Variants in RNF145 observed in about 807,000 individuals in gnomAD.
The protein encoded by RNF145 is ring finger protein 145.
In RNF145, 12 loss-of-function variants were observed where a neutral mutation model predicts 57.3. The observed-to-expected ratio is 0.21, with a 90% CI of 0.13 to 0.34. The LOEUF is 0.34. Among genes scored for constraint, RNF145 ranks in the 10% least tolerant of loss-of-function variants. The pLI is 1.00. For synonymous variants in RNF145, 262 were observed against 288.3 expected, an observed-to-expected ratio of 0.91 and a Z score of 0.92; for missense variants, 429 against 799.0, an observed-to-expected ratio of 0.54 and a Z score of 5.58.
chr5:159,198,211 C>T (rs1180923540), intron 2 of RNF145, among the ~76,000 whole-genome samples: 1 of 151,060 alleles, frequency 6.6e-6, no homozygotes, highest in Non-Finnish European at 1.5e-5. Context: ...CACTGCACTC[C>T]AATCTGGGCG....
chr5:159,163,153 A>T lies in RNF145; in HGVS notation c.1122-74T>A, dbSNP rs1404506934. Reference sequence around the variant, plus strand: ...ACAACCACTCACATCAGCAGCTAACATCTCTGGTGCCATGATCAAATTTCA... The same window carrying T: ...ACAACCACTCACATCAGCAGCTAACTTCTCTGGTGCCATGATCAAATTTCA... On this transcript the variant is annotated intron_variant, in intron 8 of 10. Coordinates refer to ENST00000424310, the MANE Select transcript of RNF145 (RefSeq NM_001199383.2). 9 of 1,338,704 alleles carry T rather than the reference A, an allele frequency of 6.7e-6. No individual in the cohort carries two copies. In the Admixed American group the frequency reaches 9.0e-5, roughly 13 times the overall value. The allele number at this position is 1,338,704 out of a possible 1,614,324, so 82.9% of individuals were successfully genotyped here.
In RNF145 at chr5:159,209,404, G is replaced by C; in HGVS notation, c.-213C>G. 1 of 982,102 alleles carries C rather than the reference G, an allele frequency of 1.0e-6. No individual in the cohort carries two copies. Among genetic ancestry groups the C allele is most frequent in the Non-Finnish European group, 1.2e-6 (1 of 827,248 alleles). 60.8% of individuals were successfully genotyped at this position (982,102 alleles called of 1,614,324 possible). A position where few individuals can be genotyped will look rare whatever the true frequency, so the allele number is the denominator to read the frequency against. ...AGCCTCGGATGTTGCTTCTGGGGAG[G>C]CGGAGGCAGCGGCAGCGGCAGCGGC... is the stretch of plus-strand genomic sequence containing the variant. On this transcript the variant is annotated 5_prime_UTR_variant, in exon 1 of 11. Transcript: ENST00000424310.
intron 5 of RNF145, among the ~76,000 whole-genome samples, chr5:159,175,664 T>C (rs1423739335): frequency 6.6e-6 from 1 of 152,140 alleles, no homozygotes; most frequent in Non-Finnish European, 1.5e-5. Context: ...TTCTGGAAGA[T>C]CTACTCCTGG....
rs1784912775 is a variant in RNF145, at chr5:159,182,046, T to C, written c.299A>G (p.Tyr100Cys). 1 of 1,589,618 alleles carries C rather than the reference T, an allele frequency of 6.3e-7. No individual in the cohort carries two copies. The highest frequency in any genetic ancestry group is 8.6e-7 in the Non-Finnish European group (1 of 1,158,302). ...LYAGHQISRD[Y>C]VRSELEFAYE... The stretch of plus-strand genomic sequence containing the variant: ...GGCAAACTCCAGTTCACTCCGAACA[T>C]AGTCCCTAAATAAGAAAATTGATTA... Residue 100 changes from tyrosine to cysteine, a missense_variant, in exon 4 of 11, where the codon TAT (tyrosine) becomes TGT (cysteine). This residue lies in a region of RNF145 where 109 missense variants were observed against 207.2 expected (regional missense o/e 0.53). Transcript: ENST00000424310.
Position 159,176,873 on chromosome 5 carries a change from A to G in RNF145, c.386-6T>C. 1 of 1,546,986 alleles carries G rather than the reference A, an allele frequency of 6.5e-7. No homozygotes were observed. The highest frequency in any genetic ancestry group is 8.9e-7 in the Non-Finnish European group (1 of 1,123,642). On this transcript the variant is annotated splice_region_variant and splice_polypyrimidine_tract_variant and intron_variant, in intron 4 of 10. Transcript: ENST00000424310. ...AGTACACACCACCAACTGACCTAAA[A>G]TAGGGAATAGAATACATTTAATTTT...
intron 1 of RNF145, chr5:159,207,942 T>C (rs926721800): frequency 4.4e-6 from 7 of 1,606,274 alleles, no homozygotes; most frequent in Non-Finnish European, 8.5e-7. Flanking sequence ...CAGCTCATTC[T>C]TTTGGGCATG....
At chr5:159,171,117 G>C (rs1023377821) in intron 6 of RNF145, among the ~76,000 whole-genome samples, 18 of 152,152 alleles carry the variant, frequency 1.2e-4, no homozygotes, top group Admixed American at 2.6e-4. Context: ...CTGGTTTTCT[G>C]TTAGGAGCCA....
At chr5:159,169,182 C>G (rs1461466750) in intron 7 of RNF145, 127 bp from the exon 8 acceptor site, 1 of 694,684 alleles carries the variant, frequency 1.4e-6, no homozygotes, top group Non-Finnish European at 2.3e-6. Context: ...TTAATCCAGA[C>G]TAAAAACCTG....
chr5:159,179,538 T>C (rs1784819318), intron 4 of RNF145, among the ~76,000 whole-genome samples: 2 of 152,128 alleles, frequency 1.3e-5, no homozygotes, highest in African/African-American at 4.8e-5. Context: ...TGCTCCTTAA[T>C]AGTTTATGGA....
At chr5:159,185,075 A>C (rs184121593) in intron 3 of RNF145, among the ~76,000 whole-genome samples, 1 of 152,290 alleles carries the variant, frequency 6.6e-6, no homozygotes, top group Non-Finnish European at 1.5e-5. Flanking sequence ...TTAAGTCTGT[A>C]TCATTCATCA....
At chr5:159,159,612 G>A (rs1411650660) in intron 10 of RNF145, among the ~76,000 whole-genome samples, 1 of 152,198 alleles carries the variant, frequency 6.6e-6, no homozygotes, top group Non-Finnish European at 1.5e-5. Context: ...AGAACCACTT[G>A]TTAACACATA....
At chr5:159,172,535 C>T (rs151063960) in intron 6 of RNF145, among the ~76,000 whole-genome samples, 85 of 151,826 alleles carry the variant, frequency 5.6e-4, no homozygotes, top group African/African-American at 1.8e-3. Flanking sequence ...AAACAAATAG[C>T]AGTCAAATTT....
chr5:159,185,124 C>T (rs577319724), intron 3 of RNF145, among the ~76,000 whole-genome samples: 14 of 152,254 alleles, frequency 9.2e-5, no homozygotes, highest in African/African-American at 2.4e-4. Context: ...CCCCTTAGAA[C>T]GTTTCCCCTT....
chr5:159,168,499 C>A (rs578027482), intron 8 of RNF145, among the ~76,000 whole-genome samples: 12 of 152,174 alleles, frequency 7.9e-5, no homozygotes, highest in African/African-American at 2.6e-4. Context: ...AATTAATTTA[C>A]ACAGAATAAA....
At chr5:159,198,413 A>T (rs899553327) in intron 2 of RNF145, among the ~76,000 whole-genome samples, 1 of 152,328 alleles carries the variant, frequency 6.6e-6, no homozygotes, top group East Asian at 1.9e-4. Context: ...GTTGTAGGGT[A>T]AACAGCAGGA....
chr5:159,171,102 A>G (rs995718586), intron 6 of RNF145, among the ~76,000 whole-genome samples: 2 of 152,214 alleles, frequency 1.3e-5, no homozygotes, highest in African/African-American at 2.4e-5. Context: ...GATGAGAAAA[A>G]AAGTCTGGTT....
At chr5:159,162,178 A>G (rs937549532) in intron 9 of RNF145, among the ~76,000 whole-genome samples, 90 of 152,334 alleles carry the variant, frequency 5.9e-4, no homozygotes, top group African/African-American at 2.0e-3. Context: ...TGTGTGCAAT[A>G]CACACACATC....
intron 4 of RNF145, among the ~76,000 whole-genome samples, chr5:159,179,702 GAATGTTACCGTTAATAA>G (rs1784824960): frequency 6.6e-6 from 1 of 151,936 alleles, no homozygotes; most frequent in Non-Finnish European, 1.5e-5. Context: ...CTTCATTATT[GAATGTTACCGTTAATAA>G]ATATGCCAAC....
chr5:159,181,708 T>C (rs1450978390), intron 4 of RNF145, among the ~76,000 whole-genome samples: 1 of 149,292 alleles, frequency 6.7e-6, no homozygotes, highest in East Asian at 1.9e-4. Context: ...TCTTCTCAAA[T>C]ACTTAAAAAA....
Sources: allele counts gnomAD v4.1 joint callset (sites outside exome capture counted in the v4.1 genomes callset), GRCh38; gene constraint gnomAD v4.1.1; regional missense constraint gnomAD v4.1.1; transcripts MANE v1.5; gene names NCBI Gene and HGNC (gene_info 2026-07-23, HGNC 2026-07-21).